The following PIAS3 variants were observed in gnomAD, a reference collection of about 807,000 sequenced individuals.
PIAS3 encodes protein inhibitor of activated STAT 3.
In PIAS3, 34 loss-of-function variants were observed where a neutral mutation model predicts 67.6. That is an observed-to-expected ratio of 0.50 (90% CI 0.38 to 0.67). PIAS3 has a LOEUF of 0.67. Among genes scored for constraint, PIAS3 ranks in the 30% least tolerant of loss-of-function variants. The probability of loss-of-function intolerance (pLI) is 0.00; values close to 1 mark genes in which losing one functional copy is unlikely to be tolerated. For missense variants in PIAS3, 693 were observed against 791.6 expected, an observed-to-expected ratio of 0.88 and a Z score of 1.49; for synonymous variants, 341 against 313.8, an observed-to-expected ratio of 1.09 and a Z score of -0.92.
At position 145,849,606 on chromosome 1, in the gene PIAS3, G is replaced by A. The variant is rs147282600; in HGVS notation, c.1727C>T (p.Thr576Met). The A allele has an allele frequency of 3.3e-5, 54 of 1,613,412 alleles. No individual in the cohort carries two copies. Among genetic ancestry groups the A allele is most frequent in the Admixed American group, 8.3e-5 (5 of 59,906 alleles). The change falls in exon 14 of 14, where the codon ACG (threonine) becomes ATG (methionine). Residue 576 changes from threonine to methionine, a missense_variant. Coordinates refer to ENST00000393045, the MANE Select transcript of PIAS3 (RefSeq NM_006099.3). The stretch of plus-strand genomic sequence containing the variant: ...GGCGCTGCAGTGGGAGCTCCCCAGC[G>A]TGGGGGCCAGTGGGCCCAGAAAGTG... ...PSHFLGPLAPTLGSSHCSATP... is the reference protein window; with the variant it reads ...PSHFLGPLAPMLGSSHCSATP...
chr1:145,853,140 T>A (rs1653027352), intron 9 of PIAS3, among the ~76,000 whole-genome samples: 1 of 152,164 alleles, frequency 6.6e-6, no homozygotes, highest in African/African-American at 2.4e-5. Flanking sequence ...CTGGGCATGT[T>A]GTCTCATGCC....
At position 145,855,844 on chromosome 1, in the gene PIAS3, A is replaced by G; in HGVS notation, c.579-18T>C. The G allele has an allele frequency of 6.8e-7, 1 of 1,469,444 alleles. No homozygotes were observed. The highest frequency in any genetic ancestry group is 9.5e-7 in the Non-Finnish European group (1 of 1,047,740). The allele number at this position is 1,469,444 out of a possible 1,614,324, so 91.0% of individuals were successfully genotyped here. A position where few individuals can be genotyped will look rare whatever the true frequency, so the allele number is the denominator to read the frequency against. ...GACAGAACCTGGTAAGAGATGAGAA[A>G]GGAAGAAAGAGTGGGAAGAAATTTC... On this transcript the variant is annotated intron_variant, in intron 4 of 13. Transcript: ENST00000393045.
chr1:145,849,601 C>T lies in PIAS3; in HGVS notation c.1732G>A (p.Gly578Arg). 5 of 1,613,266 alleles carry T rather than the reference C, an allele frequency of 3.1e-6. No individual in the cohort carries two copies. The highest frequency in any genetic ancestry group is 4.2e-6 in the Non-Finnish European group (5 of 1,179,666). ...HFLGPLAPTL[G>R]SSHCSATPAP... ...GGAGTGGCGCTGCAGTGGGAGCTCC[C>T]CAGCGTGGGGGCCAGTGGGCCCAGA... Residue 578 changes from glycine to arginine, a missense_variant, in exon 14 of 14, where the codon GGG becomes AGG. Physicochemically the swap from Gly to Arg is moderately radical, Grantham distance 125. Coordinates refer to ENST00000393045, the MANE Select transcript of PIAS3 (RefSeq NM_006099.3).
In PIAS3 at chr1:145,853,543, CA is replaced by C; in HGVS notation, c.1105del (p.Cys369ValfsTer40). ...EKKPTWTCPV[C>X]DKKAPYESLI... is the part of the protein sequence containing the mutation. ...AGATTCATAGGGAGCCTTCTTGTCACACACAGGACATGTCCATGTAGGCTTC... is the reference window on the plus strand; with the variant it reads ...AGATTCATAGGGAGCCTTCTTGTCACCACAGGACATGTCCATGTAGGCTTC... On this transcript the variant is annotated frameshift_variant, in exon 9 of 14. Coordinates refer to ENST00000393045, the MANE Select transcript of PIAS3 (RefSeq NM_006099.3). LOFTEE classifies it high-confidence loss of function. 1 of 1,613,804 alleles carries C rather than the reference CA, an allele frequency of 6.2e-7. No individual in the cohort carries two copies. Among genetic ancestry groups the C allele is most frequent in the Non-Finnish European group, 8.5e-7 (1 of 1,179,892 alleles).
At chr1:145,850,150 T>A in intron 13 of PIAS3, 82 bp downstream of exon 13, 2 of 1,605,838 alleles carry the variant, frequency 1.2e-6, no homozygotes, top group Non-Finnish European at 1.7e-6. Flanking sequence ...TCCCCAGAGA[T>A]CATAAGAGAG....
chr1:145,850,646 G>C, intron 11 of PIAS3, 60 bp from the exon 12 acceptor site: 1 of 1,602,118 alleles, frequency 6.2e-7, no homozygotes. Context: ...CCCAGCTCAG[G>C]TCCCCAGGTT....
chr1:145,850,623 A>T, intron 11 of PIAS3, 37 bp from the exon 12 acceptor site: 1 of 1,608,546 alleles, frequency 6.2e-7, no homozygotes, highest in South Asian at 1.1e-5. Flanking sequence ...CCAGCAAACC[A>T]CAGATGCCCT....
chr1:145,855,662 G>C, intron 5 of PIAS3, 74 bp downstream of exon 5: 1 of 826,072 alleles, frequency 1.2e-6, no homozygotes, highest in Non-Finnish European at 2.0e-6. Context: ...GTCTCTTTCA[G>C]AATAGGTTTG....
In PIAS3 at chr1:145,849,707, A is replaced by G; in HGVS notation, c.1626T>C (p.Tyr542=). The change falls in exon 14 of 14, where the codon TAT becomes TAC. Residue 542 remains tyrosine, a synonymous_variant. Coordinates refer to ENST00000393045, the MANE Select transcript of PIAS3 (RefSeq NM_006099.3). ...CTAGTGAGGTGATGACAGAGGGGCC[A>G]TAGTGCTAGGAAGAATCAAGGGCAT... ...FSFLQTESQH[Y]GPSVITSLDE... The G allele has an allele frequency of 1.3e-6, 2 of 1,599,788 alleles. No homozygotes were observed. The highest frequency in any genetic ancestry group is 1.7e-6 in the Non-Finnish European group (2 of 1,173,518).
chr1:145,853,956 AG>A (rs1347047644), intron 7 of PIAS3, 70 bp from the exon 8 acceptor site: 3 of 1,369,040 alleles, frequency 2.2e-6, no homozygotes, highest in African/African-American at 1.4e-5. Flanking sequence ...TGGTAAGGCC[AG>A]GAACAGATGG....
intron 1 of PIAS3, chr1:145,857,308 G>A: frequency 2.3e-6 from 1 of 442,850 alleles, no homozygotes; most frequent in Non-Finnish European, 4.2e-6. Flanking sequence ...GCCACCCTCA[G>A]ACACACCTCC....
chr1:145,853,684 CTT>C lies in PIAS3; in HGVS notation c.985-22_985-21del. 6.2e-7 allele frequency: 1 copy of C among 1,612,934 alleles called. No individual in the cohort carries two copies. The highest frequency in any genetic ancestry group is 8.5e-7 in the Non-Finnish European group (1 of 1,179,244). On this transcript the variant is annotated intron_variant, in intron 8 of 13. Coordinates refer to ENST00000393045, the MANE Select transcript of PIAS3 (RefSeq NM_006099.3). ...CCCTAGCTGAGGAGAAGCAAGTTCT[CTT>C]GTCAGAGGCCCTACTCTGATTTCAT...
chr1:145,858,038 A>C (rs1653263705), intron 1 of PIAS3, among the ~76,000 whole-genome samples: 1 of 152,134 alleles, frequency 6.6e-6, no homozygotes. Flanking sequence ...AGGCAGGCGG[A>C]TGAACTCGGT....
At chr1:145,857,082 C>G (rs1653219979) in intron 1 of PIAS3, 76 bp from the exon 2 acceptor site, 2 of 1,319,928 alleles carry the variant, frequency 1.5e-6, no homozygotes, top group Admixed American at 3.8e-5. Context: ...GCTGAGCTAC[C>G]AGGTGGGCAG....
chr1:145,849,752 G>T, intron 13 of PIAS3, 40 bp from the exon 14 acceptor site: 2 of 1,521,848 alleles, frequency 1.3e-6, no homozygotes, highest in South Asian at 2.6e-5. Context: ...TCTCAATCCC[G>T]ACTTCCCCAC....
intron 5 of PIAS3, 101 bp downstream of exon 5, chr1:145,855,635 C>A (rs921268747): frequency 2.8e-6 from 2 of 714,318 alleles, no homozygotes; most frequent in Admixed American, 2.4e-5. Context: ...CTATGTGCCA[C>A]GCACTGTGCT....
intron 9 of PIAS3, among the ~76,000 whole-genome samples, chr1:145,852,365 G>A (rs1339711887): frequency 6.6e-6 from 1 of 152,176 alleles, no homozygotes; most frequent in Non-Finnish European, 1.5e-5. Flanking sequence ...AGAACATCCA[G>A]GCCCTGAAAA....
chr1:145,848,661 C>T lies in PIAS3; in HGVS notation c.*785G>A. The T allele has an allele frequency of 1.2e-5, 7 of 586,304 alleles. No individual in the cohort carries two copies. The highest frequency in any genetic ancestry group is 2.1e-5 in the Non-Finnish European group (7 of 331,276). The allele number at this position is 586,304 out of a possible 1,614,324, so 36.3% of individuals were successfully genotyped here. ...GAGGGCACAGGGTCCTTCCACCTCC[C>T]TGGAAAGGTGCAGAATGAGCCAGGC... On this transcript the variant is annotated 3_prime_UTR_variant, in exon 14 of 14. Transcript: ENST00000393045.
chr1:145,850,002 G>T, intron 13 of PIAS3: 1 of 1,436,582 alleles, frequency 7.0e-7, no homozygotes. Flanking sequence ...ACGGGGGTAG[G>T]GGTGAGTAGG....
Sources: allele counts gnomAD v4.1 joint callset (sites outside exome capture counted in the v4.1 genomes callset), GRCh38; gene constraint gnomAD v4.1.1; transcripts MANE v1.5; gene names NCBI Gene and HGNC (gene_info 2026-07-23, HGNC 2026-07-21).